The following GPC5 variants were observed in gnomAD, a reference collection of about 807,000 sequenced individuals.
GPC5 encodes the protein glypican-5.
Under a neutral mutation model 53.9 loss-of-function variants are expected in GPC5, and 47 were observed. The ratio of observed to expected loss-of-function variants is 0.87; its 90% CI spans 0.69 to 1.11. The LOEUF (loss-of-function observed/expected upper bound fraction) is 1.11. Ranked by LOEUF, GPC5 falls within the 50% of genes most tolerant of loss-of-function variation. GPC5 has a pLI of 0.00. For missense variants in GPC5, 748 were observed against 713.1 expected (o/e 1.05, Z -0.56); for synonymous variants, 286 against 263.3 (o/e 1.09, Z -0.84).
chr13:92,631,272 C>A (rs1009312331), intron 7 of GPC5, among the ~76,000 whole-genome samples: 10 of 151,886 alleles, frequency 6.6e-5, no homozygotes. Flanking sequence ...CAGTAGAAGC[C>A]TGCTTTTAAA....
intron 7 of GPC5, among the ~76,000 whole-genome samples, chr13:92,199,369 G>T (rs541379625): frequency 2.0e-4 from 30 of 152,098 alleles, no homozygotes; most frequent in Non-Finnish European, 3.5e-4. Flanking sequence ...CCTTATTTAA[G>T]TTGGATGCAA....
intron 7 of GPC5, among the ~76,000 whole-genome samples, chr13:92,489,283 T>C (rs2139444530): frequency 6.6e-6 from 1 of 152,268 alleles, no homozygotes; most frequent in South Asian, 2.1e-4. Context: ...ATTTATCAAG[T>C]ATTAGTATGT....
rs550744091 is a variant in GPC5, at chr13:91,843,072, A to T, written c.1281-64865A>T. Among the ~76,000 whole-genome samples, 4 of 152,250 alleles carry T rather than the reference A, an allele frequency of 2.6e-5. No homozygotes were observed. In the East Asian group the frequency reaches 7.7e-4, roughly 29 times the overall value. Reference sequence around the variant, plus strand: ...TTTGAATAATCTGCCATAGCCATGAATGTTAACTGACTGTGTAACAAGTCA... The same window carrying T: ...TTTGAATAATCTGCCATAGCCATGATTGTTAACTGACTGTGTAACAAGTCA... On this transcript the variant is annotated intron_variant, in intron 5 of 7. Coordinates refer to ENST00000377067, the MANE Select transcript of GPC5 (RefSeq NM_004466.6).
At chr13:91,520,351 CA>C (rs1885737386) in intron 2 of GPC5, among the ~76,000 whole-genome samples, 1 of 152,162 alleles carries the variant, frequency 6.6e-6, no homozygotes, top group African/African-American at 2.4e-5. Context: ...GGGTAAACAT[CA>C]GTCTAGATCT....
At chr13:92,004,463 TATATA>T (rs1566389193) in intron 6 of GPC5, among the ~76,000 whole-genome samples, 6 of 34,338 alleles carry the variant, frequency 1.7e-4, no homozygotes, top group African/African-American at 2.5e-4. Context: ...AAAAATTATA[TATATA>T]TATATATATA....
At chr13:92,143,593 T>C (rs1270894941) in intron 6 of GPC5, among the ~76,000 whole-genome samples, 1 of 152,136 alleles carries the variant, frequency 6.6e-6, no homozygotes, top group Non-Finnish European at 1.5e-5. Flanking sequence ...CTGATAAAAA[T>C]AAGAATTTAA....
chr13:91,838,113 G>C (rs1017846267), intron 5 of GPC5, among the ~76,000 whole-genome samples: 1 of 152,156 alleles, frequency 6.6e-6, no homozygotes, highest in Non-Finnish European at 1.5e-5. Context: ...GCAATTAGAA[G>C]ATCAGTGGAT....
chr13:92,008,516 TTCAG>T (rs796958555), intron 6 of GPC5, among the ~76,000 whole-genome samples: 100 of 152,236 alleles, frequency 6.6e-4, no homozygotes, highest in African/African-American at 2.2e-3. Context: ...AGCACATTCT[TTCAG>T]TGTTTGTTTG....
chr13:92,827,739 CT>C (rs1439295576), intron 7 of GPC5, among the ~76,000 whole-genome samples: 1 of 152,068 alleles, frequency 6.6e-6, no homozygotes, highest in Non-Finnish European at 1.5e-5. Flanking sequence ...GCTGAAAGCC[CT>C]GATTGGGAAG....
chr13:92,806,123 G>A (rs933092662), intron 7 of GPC5, among the ~76,000 whole-genome samples: 4 of 152,066 alleles, frequency 2.6e-5, no homozygotes, highest in African/African-American at 9.7e-5. Flanking sequence ...AAAATAGCTT[G>A]ATCTTCTAGA....
At chr13:92,550,362 A>G (rs187302260) in intron 7 of GPC5, among the ~76,000 whole-genome samples, 1 of 152,028 alleles carries the variant, frequency 6.6e-6, no homozygotes, top group African/African-American at 2.4e-5. Flanking sequence ...TCTATTCAGT[A>G]TATATGTCTC....
chr13:91,980,646 T>C (rs1594703374), intron 6 of GPC5, among the ~76,000 whole-genome samples: 1 of 152,212 alleles, frequency 6.6e-6, no homozygotes, highest in East Asian at 1.9e-4. Context: ...AGTTTTTAAC[T>C]GAATTATAAC....
rs185779716 is a variant in GPC5, at chr13:92,458,371, T to C, written c.1561+313382T>C. Among the ~76,000 whole-genome samples the C allele has an allele frequency of 1.3e-4, 20 of 152,184 alleles. No homozygotes were observed. In the East Asian group the frequency reaches 1.7e-3, roughly 13 times the overall value. The stretch of plus-strand genomic sequence containing the variant: ...AGGAGTGCAGTGGCGCGATCTTGAC[T>C]CACTGCAACCTCCACATCCCGGGTT... On this transcript the variant is annotated intron_variant, in intron 7 of 7. Coordinates refer to ENST00000377067, the MANE Select transcript of GPC5 (RefSeq NM_004466.6).
At chr13:92,370,839 AT>A (rs2043644442) in intron 7 of GPC5, among the ~76,000 whole-genome samples, 1 of 152,076 alleles carries the variant, frequency 6.6e-6, no homozygotes, top group South Asian at 2.1e-4. Flanking sequence ...TTCAGAACAC[AT>A]TTCTTTTGGT....
At chr13:91,803,194 A>G (rs1261793640) in intron 5 of GPC5, among the ~76,000 whole-genome samples, 1 of 152,186 alleles carries the variant, frequency 6.6e-6, no homozygotes, top group Non-Finnish European at 1.5e-5. Flanking sequence ...TTTTAGTACT[A>G]TAAGTATTGA....
chr13:91,820,321 T>C (rs541155136), intron 5 of GPC5, among the ~76,000 whole-genome samples: 1 of 152,180 alleles, frequency 6.6e-6, no homozygotes, highest in Non-Finnish European at 1.5e-5. Flanking sequence ...GAAATAAAAA[T>C]ATGTTGTTAA....
intron 7 of GPC5, among the ~76,000 whole-genome samples, chr13:92,464,672 C>T (rs1296563098): frequency 1.3e-5 from 2 of 151,770 alleles, no homozygotes; most frequent in South Asian, 2.1e-4. Context: ...TTTAAAGGTA[C>T]ATTTTGCATA....
intron 6 of GPC5, among the ~76,000 whole-genome samples, chr13:92,006,180 T>C (rs977128837): frequency 2.4e-5 from 3 of 124,806 alleles, no homozygotes; most frequent in African/African-American, 1.9e-4. Context: ...CAATATACAG[T>C]AAGTATTATC....
At chr13:92,166,609 G>A (rs1351193264) in intron 7 of GPC5, among the ~76,000 whole-genome samples, 1 of 151,968 alleles carries the variant, frequency 6.6e-6, no homozygotes, top group Non-Finnish European at 1.5e-5. Context: ...GAACTGTGAG[G>A]TGACTCCATA....
Sources: gnomAD v4.1 joint callset for allele counts (sites outside exome capture counted in the v4.1 genomes callset) on GRCh38, gnomAD v4.1.1 for gene constraint, MANE v1.5 for transcripts, NCBI Gene and HGNC (gene_info 2026-07-23, HGNC 2026-07-21) for gene names.